MAP2K6: variants seen among roughly 807,000 people sequenced by gnomAD.
MAP2K6 encodes dual specificity mitogen-activated protein kinase kinase 6.
Under a neutral mutation model 53.7 loss-of-function variants are expected in MAP2K6, and 16 were observed. The observed-to-expected ratio is 0.30, with a 90% CI of 0.20 to 0.45. MAP2K6 has a LOEUF of 0.45. Ranked by LOEUF, MAP2K6 falls within the 20% of genes least tolerant of loss-of-function variation. The pLI is 1.00. For missense variants in MAP2K6, 204 were observed against 411.9 expected, an observed-to-expected ratio of 0.50 and a Z score of 4.37; for synonymous variants, 132 against 143.1, an observed-to-expected ratio of 0.92 and a Z score of 0.55.
At chr17:69,476,545 G>T (rs138799700) in intron 1 of MAP2K6, among the ~76,000 whole-genome samples, 3 of 152,256 alleles carry the variant, frequency 2.0e-5, no homozygotes, top group Non-Finnish European at 2.9e-5. Flanking sequence ...GACATATATC[G>T]ATCCCTGGGT....
At chr17:69,464,592 A>G (rs889084415) in intron 1 of MAP2K6, among the ~76,000 whole-genome samples, 5 of 151,530 alleles carry the variant, frequency 3.3e-5, no homozygotes, top group Non-Finnish European at 7.4e-5. Flanking sequence ...ATGTTGCCCA[A>G]GCTGGTCTCA....
At chr17:69,502,416 A>T in intron 1 of MAP2K6, 3 of 985,440 alleles carry the variant, frequency 3.0e-6, no homozygotes, top group Non-Finnish European at 3.6e-6. Context: ...AGAGATGGGC[A>T]AGTAAGCGAA....
At chr17:69,434,830 C>T (rs1455106413) in intron 1 of MAP2K6, 1 of 152,160 alleles carries the variant, frequency 6.6e-6, no homozygotes, top group Admixed American at 6.5e-5. Flanking sequence ...CCTCCACATC[C>T]TCTAACCGCC....
chr17:69,532,844 G>A (rs190114334), intron 10 of MAP2K6, among the ~76,000 whole-genome samples: 8 of 152,266 alleles, frequency 5.3e-5, no homozygotes, highest in Non-Finnish European at 1.5e-5. Flanking sequence ...AGTCTTGGAG[G>A]TTTCAGGAAT....
chr17:69,445,144 C>T (rs533043647), intron 1 of MAP2K6, among the ~76,000 whole-genome samples: 2 of 152,282 alleles, frequency 1.3e-5, no homozygotes, highest in Admixed American at 1.3e-4. Flanking sequence ...TGGTCTCAAA[C>T]TCCTGACCTC....
intron 1 of MAP2K6, among the ~76,000 whole-genome samples, chr17:69,462,542 T>C (rs1273679282): frequency 1.3e-5 from 2 of 152,184 alleles, no homozygotes; most frequent in African/African-American, 4.8e-5. Flanking sequence ...TGGGTCACCT[T>C]CTCAACCACT....
At chr17:69,495,528 G>A (rs985342700) in intron 1 of MAP2K6, among the ~76,000 whole-genome samples, 5 of 152,178 alleles carry the variant, frequency 3.3e-5, no homozygotes, top group Admixed American at 6.5e-5. Context: ...GAGCTACTGC[G>A]CCTGGCTATT....
intron 1 of MAP2K6, among the ~76,000 whole-genome samples, chr17:69,420,344 C>T (rs562045687): frequency 1.4e-4 from 22 of 152,168 alleles, no homozygotes; most frequent in African/African-American, 5.3e-4. Flanking sequence ...TTTTTAGCTT[C>T]CTGTGCAATG....
intron 1 of MAP2K6, among the ~76,000 whole-genome samples, chr17:69,481,167 C>G (rs1210243464): frequency 6.6e-6 from 1 of 152,160 alleles, no homozygotes; most frequent in Non-Finnish European, 1.5e-5. Flanking sequence ...CCTCCAGCCC[C>G]TAGTAGCCAT....
At chr17:69,492,776 C>T (rs1908800301) in intron 1 of MAP2K6, among the ~76,000 whole-genome samples, 1 of 150,750 alleles carries the variant, frequency 6.6e-6, no homozygotes, top group East Asian at 2.0e-4. Context: ...AATTTAGGCT[C>T]ATCTTCTCAT....
Position 69,523,642 on chromosome 17 carries a change from G to A in MAP2K6, c.663+1G>A. 6.2e-7 allele frequency: 1 copy of A among 1,613,766 alleles called. No individual in the cohort carries two copies. Among genetic ancestry groups the A allele is most frequent in the Non-Finnish European group, 8.5e-7 (1 of 1,179,704 alleles). Reference sequence around the variant, plus strand: ...TGCAGGTTGCAAACCATACATGGCCGTAAGTACATTAGCTAGGGTGGCATC... The same window carrying A: ...TGCAGGTTGCAAACCATACATGGCCATAAGTACATTAGCTAGGGTGGCATC... On this transcript the variant is annotated splice_donor_variant, in intron 8 of 11. Transcript: ENST00000590474. LOFTEE classifies it high-confidence loss of function.
At chr17:69,420,737 A>AT (rs572033743) in intron 1 of MAP2K6, among the ~76,000 whole-genome samples, 82,885 of 151,628 alleles carry the variant, frequency 0.55, 23,200 homozygotes, top group African/African-American at 0.67. Context: ...CATTTATAAA[A>AT]TTTTTTTTTC....
chr17:69,519,524 C>T, intron 5 of MAP2K6, 92 bp downstream of exon 5: 1 of 1,516,858 alleles, frequency 6.6e-7, no homozygotes, highest in Non-Finnish European at 9.1e-7. Context: ...TCATGGAGCT[C>T]TTTCTTGTTT....
chr17:69,513,232 C>T (rs1163345241), intron 2 of MAP2K6, among the ~76,000 whole-genome samples: 5 of 152,162 alleles, frequency 3.3e-5, no homozygotes, highest in African/African-American at 1.2e-4. Flanking sequence ...GCGGCACAGG[C>T]GAATTGATTA....
chr17:69,436,465 A>G (rs965964150), intron 1 of MAP2K6, among the ~76,000 whole-genome samples: 1 of 152,228 alleles, frequency 6.6e-6, no homozygotes, highest in African/African-American at 2.4e-5. Context: ...AGAATTTTCT[A>G]TCTTGTTTAC....
At chr17:69,432,506 A>G (rs899175526) in intron 1 of MAP2K6, among the ~76,000 whole-genome samples, 3 of 152,234 alleles carry the variant, frequency 2.0e-5, no homozygotes, top group Non-Finnish European at 4.4e-5. Context: ...CTTTGCAGGG[A>G]CATGAATGAA....
At chr17:69,492,643 C>G (rs1219098380) in intron 1 of MAP2K6, among the ~76,000 whole-genome samples, 1 of 152,180 alleles carries the variant, frequency 6.6e-6, no homozygotes, top group Admixed American at 6.5e-5. Context: ...CCTTACATTG[C>G]AGCTGCATCA....
chr17:69,507,652 A>T (rs1180612310), intron 2 of MAP2K6, among the ~76,000 whole-genome samples: 2 of 152,092 alleles, frequency 1.3e-5, no homozygotes, highest in Non-Finnish European at 2.9e-5. Flanking sequence ...ATGTATTGAT[A>T]GTTTGTTCCA....
chr17:69,530,271 T>A (rs1911011831), intron 10 of MAP2K6, among the ~76,000 whole-genome samples: 1 of 151,950 alleles, frequency 6.6e-6, no homozygotes. Context: ...GCCATAATTG[T>A]CCCACTGCAC....
Sources: allele counts gnomAD v4.1 joint callset (sites outside exome capture counted in the v4.1 genomes callset), GRCh38; gene constraint gnomAD v4.1.1; transcripts MANE v1.5; gene names NCBI Gene and HGNC (gene_info 2026-07-23, HGNC 2026-07-21).